PTPRF: variants seen among roughly 807,000 people sequenced by gnomAD.
PTPRF encodes receptor-type tyrosine-protein phosphatase F.
PTPRF carries 59 observed loss-of-function variants against 201.8 expected under a neutral mutation model. The observed-to-expected ratio is 0.29, with a 90% CI of 0.24 to 0.36. The LOEUF (loss-of-function observed/expected upper bound fraction) is 0.36, where lower values mean the gene tolerates loss of function less well. Ranked by LOEUF, PTPRF falls within the 10% of genes least tolerant of loss-of-function variation. PTPRF has a pLI of 1.00. For synonymous variants in PTPRF, 1,088 were observed against 1,089.7 expected (o/e 1.00, Z 0.03); for missense variants, 2,132 against 2,690.5 (o/e 0.79, Z 4.59).
At chr1:43,604,864 A>C (rs754767342) in intron 16 of PTPRF, 39 bp from the exon 17 acceptor site, 2 of 1,577,444 alleles carry the variant, frequency 1.3e-6, no homozygotes, top group Admixed American at 1.7e-5. Flanking sequence ...ACCCCACCTC[A>C]TATACCCAGC....
upstream of PTPRF, among the ~76,000 whole-genome samples, chr1:43,522,407 C>T (rs1362378068): frequency 6.6e-6 from 1 of 152,176 alleles, no homozygotes; most frequent in African/African-American, 2.4e-5. Context: ...TTCTGCCTTT[C>T]CTTGGTCTCC....
At chr1:43,616,025 C>T (rs1449029363) in intron 23 of PTPRF, among the ~76,000 whole-genome samples, 1 of 151,994 alleles carries the variant, frequency 6.6e-6, no homozygotes, top group African/African-American at 2.4e-5. Flanking sequence ...TGACAGCATG[C>T]CCTGGTGTTG....
intron 9 of PTPRF, 70 bp downstream of exon 9, chr1:43,591,623 T>TC: frequency 6.8e-7 from 1 of 1,468,718 alleles, no homozygotes; most frequent in Non-Finnish European, 9.1e-7. Context: ...GCGGTGCCTT[T>TC]CCCCCTCCCT....
In PTPRF at chr1:43,619,189, G is replaced by A. The variant is rs1434767385; in HGVS notation, c.4633G>A (p.Val1545Met). 1.9e-6 allele frequency: 3 copies of A among 1,612,306 alleles called. No homozygotes were observed. Among genetic ancestry groups the A allele is most frequent in the Admixed American group, 1.7e-5 (1 of 59,860 alleles). ...ACNPLDAGPM[V>M]VHCSAGVGRT... ...CAACCCCCTAGACGCAGGGCCCATG[G>A]TGGTGCACTGCAGGTGAGAGGGTAC... is the stretch of plus-strand genomic sequence containing the variant. Residue 1545 changes from valine (V) to methionine (M), a missense_variant, in exon 27 of 34, where the codon GTG becomes ATG. Val to Met is a conservative substitution (Grantham distance 21). Around this residue, in one of 6 missense-constraint regions of PTPRF, gnomAD observed 519 missense variants for 659.5 expected, o/e 0.79. Coordinates refer to ENST00000359947, the MANE Select transcript of PTPRF (RefSeq NM_002840.5).
intron 1 of PTPRF, among the ~76,000 whole-genome samples, chr1:43,531,681 C>T (rs1264464168): frequency 6.6e-6 from 1 of 151,952 alleles, no homozygotes; most frequent in Non-Finnish European, 1.5e-5. Context: ...CCCCCACCCC[C>T]TTCGTTCGCG....
chr1:43,585,867 A>G (rs1277906557), intron 7 of PTPRF, among the ~76,000 whole-genome samples: 1 of 152,164 alleles, frequency 6.6e-6, no homozygotes, highest in Non-Finnish European at 1.5e-5. Context: ...ATTAGGCCCC[A>G]TGATTCCACC....
chr1:43,598,126 T>G lies in PTPRF; in HGVS notation c.2119+73T>G, dbSNP rs1265079511. ...CCACCCACCAAGCTCCCCAGGGCCT[T>G]CCTTTCCTGAACACAGGCCCAGGTC... On this transcript the variant is annotated intron_variant, in intron 12 of 33. Coordinates refer to ENST00000359947, the MANE Select transcript of PTPRF (RefSeq NM_002840.5). 5.1e-6 allele frequency: 7 copies of G among 1,379,292 alleles called. No homozygotes were observed. In the East Asian group the frequency reaches 7.8e-5, roughly 15 times the overall value. The allele number at this position is 1,379,292 out of a possible 1,614,324, so 85.4% of individuals were successfully genotyped here.
chr1:43,533,256 C>T (rs143778345), intron 1 of PTPRF, among the ~76,000 whole-genome samples: 35 of 152,104 alleles, frequency 2.3e-4, no homozygotes, highest in African/African-American at 8.2e-4. Flanking sequence ...GTGCCCTGGG[C>T]GGGTTGGCTT....
chr1:43,616,399 C>T (rs1657873046), intron 23 of PTPRF, among the ~76,000 whole-genome samples: 2 of 151,812 alleles, frequency 1.3e-5, no homozygotes, highest in Non-Finnish European at 2.9e-5. Context: ...ATATTCACAT[C>T]TGCATTTTGG....
rs1290030740 is a variant in PTPRF, at chr1:43,554,059, TC to T, written c.379+119del. 5.1e-6 allele frequency: 7 copies of T among 1,384,226 alleles called. No homozygotes were observed. In the African/African-American group the frequency reaches 1.0e-4, roughly 20 times the overall value. 85.7% of individuals were successfully genotyped at this position (1,384,226 alleles called of 1,614,324 possible). The stretch of plus-strand genomic sequence containing the variant: ...TTGGCAGAAAGGAGGACTGGCCACC[TC>T]GGGGTCAGTGAAAGTCAGTGGTGGA... On this transcript the variant is annotated intron_variant, in intron 5 of 33. Transcript: ENST00000359947. The surrounding 1 kb of genome is among the most constrained non-coding windows in gnomAD (Gnocchi z 4.1).
At chr1:43,592,401 A>G (rs1651034455) in intron 10 of PTPRF, 56 bp from the exon 11 acceptor site, 2 of 1,557,918 alleles carry the variant, frequency 1.3e-6, no homozygotes, top group Non-Finnish European at 1.7e-6. Flanking sequence ...TTGGGGAACA[A>G]CCTGTGAGTG....
chr1:43,590,339 G>A (rs1227881682), intron 8 of PTPRF, among the ~76,000 whole-genome samples: 1 of 152,216 alleles, frequency 6.6e-6, no homozygotes, highest in Non-Finnish European at 1.5e-5. Flanking sequence ...TTGTACTGAG[G>A]TGTAAACTCC....
At chr1:43,607,033 G>GT in intron 21 of PTPRF, 65 bp downstream of exon 21, 1 of 1,582,822 alleles carries the variant, frequency 6.3e-7, no homozygotes. Context: ...CCCTCTCCGG[G>GT]TGTGGTGCCT....
chr1:43,606,194 G>A (rs371777659), intron 19 of PTPRF, 46 bp from the exon 20 acceptor site: 159 of 1,568,964 alleles, frequency 1.0e-4, no homozygotes, highest in Non-Finnish European at 1.2e-4. Flanking sequence ...AGGGCTGGCC[G>A]GCATGCTCCA....
intron 5 of PTPRF, among the ~76,000 whole-genome samples, chr1:43,564,484 C>T (rs977651059): frequency 1.3e-5 from 2 of 152,158 alleles, no homozygotes; most frequent in African/African-American, 4.8e-5. Flanking sequence ...TCTGTGTGCA[C>T]CGCCTCTGGA....
intron 2 of PTPRF, among the ~76,000 whole-genome samples, chr1:43,543,826 G>C (rs988994970): frequency 2.6e-5 from 4 of 152,308 alleles, no homozygotes; most frequent in Admixed American, 2.0e-4. Context: ...CGTGTTCACC[G>C]TCATGCACTC....
upstream of PTPRF, among the ~76,000 whole-genome samples, chr1:43,527,287 G>A (rs915172152): frequency 1.3e-5 from 2 of 152,238 alleles, no homozygotes; most frequent in Admixed American, 6.5e-5. Context: ...CAGGAGCAGG[G>A]CAGCAGGGCA....
intron 5 of PTPRF, among the ~76,000 whole-genome samples, chr1:43,562,788 A>G (rs1645895643): frequency 6.6e-6 from 1 of 152,152 alleles, no homozygotes; most frequent in Admixed American, 6.5e-5. Context: ...GGGGGCTGGA[A>G]GGAAACCAAT....
At chr1:43,613,412 A>C in intron 22 of PTPRF, 1 of 553,800 alleles carries the variant, frequency 1.8e-6, no homozygotes, top group South Asian at 1.9e-5. Flanking sequence ...AACAGGCTCC[A>C]CATGCTCATG....
Sources: allele counts gnomAD v4.1 joint callset (sites outside exome capture counted in the v4.1 genomes callset), GRCh38; gene constraint gnomAD v4.1.1; regional missense constraint gnomAD v4.1.1; non-coding constraint Gnocchi (gnomAD v3.1); transcripts MANE v1.5; gene names NCBI Gene and HGNC (gene_info 2026-07-23, HGNC 2026-07-21).